The following SLC2A13 variants were observed in gnomAD, a reference collection of about 807,000 sequenced individuals.
SLC2A13 encodes the protein solute carrier family 2 member 13.
A neutral mutation model predicts 64.4 loss-of-function variants in SLC2A13; 32 were observed. The ratio of observed to expected loss-of-function variants is 0.50; its 90% confidence interval spans 0.37 to 0.67. The LOEUF (loss-of-function observed/expected upper bound fraction) is 0.67, where lower values mean the gene tolerates loss of function less well. SLC2A13 is among the 30% of genes least tolerant of loss of function. The pLI is 0.00. For synonymous variants in SLC2A13, 338 were observed against 327.1 expected, an observed-to-expected ratio of 1.03 and a Z score of -0.36; for missense variants, 743 against 829.2, an observed-to-expected ratio of 0.90 and a Z score of 1.28.
chr12:39,813,532 TAACAATATG>T (rs1239972092), intron 7 of SLC2A13, among the ~76,000 whole-genome samples: 3 of 152,168 alleles, frequency 2.0e-5, no homozygotes, highest in African/African-American at 7.2e-5. Context: ...AAAAAATATA[TAACAATATG>T]ATTACTGCAC....
At chr12:39,966,065 G>A (rs1351612145) in intron 3 of SLC2A13, among the ~76,000 whole-genome samples, 2 of 150,720 alleles carry the variant, frequency 1.3e-5, no homozygotes, top group Non-Finnish European at 3.0e-5. Context: ...ATATATATAT[G>A]ATACACACAC....
At chr12:39,919,759 A>G (rs1198587723) in intron 4 of SLC2A13, among the ~76,000 whole-genome samples, 1 of 152,086 alleles carries the variant, frequency 6.6e-6, no homozygotes, top group Non-Finnish European at 1.5e-5. Flanking sequence ...ATAGTTGTAT[A>G]TTAAAGAAGG....
chr12:39,905,822 G>GAAA (rs10682990), intron 4 of SLC2A13, among the ~76,000 whole-genome samples: 64,302 of 145,320 alleles, frequency 0.44, 14,439 homozygotes, highest in Non-Finnish European at 0.46. Context: ...AAAATGCCCA[G>GAAA]AAAAAAAAAA....
chr12:39,968,763 TA>T lies in SLC2A13; in HGVS notation c.926-17399del, dbSNP rs56265085. Among the ~76,000 whole-genome samples the T allele has an allele frequency of 7.7e-4, 84 of 108,836 alleles. 6 individuals are homozygous for T. Among genetic ancestry groups the T allele is most frequent in the Admixed American group, 9.9e-4 (11 of 11,156 alleles). The allele number at this position is 108,836 out of a possible 152,430, so 71.4% of individuals were successfully genotyped here. The stretch of plus-strand genomic sequence containing the variant: ...TTATTTTTGTTGTTTTTTTTTGGTA[TA>T]TATATATATATATATATATATATAT... On this transcript the variant is annotated intron_variant, in intron 3 of 9. Transcript: ENST00000280871.
At chr12:40,060,036 G>A (rs1161230601) in intron 1 of SLC2A13, among the ~76,000 whole-genome samples, 1 of 152,150 alleles carries the variant, frequency 6.6e-6, no homozygotes, top group East Asian at 1.9e-4. Flanking sequence ...GTCTATGGGA[G>A]TTGTAAGCCA....
chr12:39,894,335 A>G (rs1332098675), intron 4 of SLC2A13, among the ~76,000 whole-genome samples: 1 of 152,244 alleles, frequency 6.6e-6, no homozygotes, highest in Non-Finnish European at 1.5e-5. Flanking sequence ...TGATTAGTAG[A>G]ACATTTGTGA....
At chr12:39,941,317 T>G (rs1946021655) in intron 4 of SLC2A13, among the ~76,000 whole-genome samples, 1 of 152,206 alleles carries the variant, frequency 6.6e-6, no homozygotes, top group Non-Finnish European at 1.5e-5. Context: ...CAAATGGTAG[T>G]TCTACTTCTA....
intron 1 of SLC2A13, among the ~76,000 whole-genome samples, chr12:40,099,275 G>A (rs904798124): frequency 6.6e-6 from 1 of 152,132 alleles, no homozygotes; most frequent in African/African-American, 2.4e-5. Context: ...AAGAAGTGTT[G>A]CTACTATTTA....
At chr12:40,087,691 C>G (rs1009820799) in intron 1 of SLC2A13, among the ~76,000 whole-genome samples, 1 of 152,028 alleles carries the variant, frequency 6.6e-6, no homozygotes, top group Non-Finnish European at 1.5e-5. Context: ...CATAAGAGAC[C>G]AGAGTAAGCC....
At chr12:39,998,546 T>C (rs1174171130) in intron 3 of SLC2A13, among the ~76,000 whole-genome samples, 5 of 152,236 alleles carry the variant, frequency 3.3e-5, no homozygotes, top group Non-Finnish European at 7.3e-5. Flanking sequence ...TCACTGCATT[T>C]CAGACTTGTG....
At chr12:39,770,376 G>A (rs1266163740) in intron 7 of SLC2A13, among the ~76,000 whole-genome samples, 1 of 152,134 alleles carries the variant, frequency 6.6e-6, no homozygotes, top group Non-Finnish European at 1.5e-5. Flanking sequence ...CTCTCCAGAA[G>A]GCAGCATGGG....
intron 1 of SLC2A13, among the ~76,000 whole-genome samples, chr12:40,078,209 G>A (rs550055440): frequency 2.0e-5 from 3 of 152,202 alleles, no homozygotes; most frequent in Admixed American, 2.0e-4. Context: ...GGTGAGATTG[G>A]GCATCCTTGT....
intron 2 of SLC2A13, 135 bp from the exon 3 acceptor site, chr12:40,028,644 T>A (rs1406079513): frequency 2.6e-6 from 2 of 772,004 alleles, no homozygotes; most frequent in Non-Finnish European, 4.0e-6. Context: ...CATTTATGTG[T>A]GTGTCTGTCA....
intron 5 of SLC2A13, among the ~76,000 whole-genome samples, chr12:39,870,036 GT>G (rs1408007547): frequency 6.6e-6 from 1 of 152,132 alleles, no homozygotes; most frequent in African/African-American, 2.4e-5. Flanking sequence ...CTGGAGCTCT[GT>G]ATCAATAAGG....
chr12:39,976,370 AC>A (rs1313311700), intron 3 of SLC2A13, among the ~76,000 whole-genome samples: 1 of 152,242 alleles, frequency 6.6e-6, no homozygotes, highest in Non-Finnish European at 1.5e-5. Context: ...ACCAAAGTAG[AC>A]AATGATAAGT....
chr12:40,053,717 T>C (rs1037380048), intron 1 of SLC2A13, among the ~76,000 whole-genome samples: 3 of 152,148 alleles, frequency 2.0e-5, no homozygotes, highest in African/African-American at 7.2e-5. Flanking sequence ...ACTAGGCAAG[T>C]TTAAACCTTA....
chr12:39,844,158 C>T (rs1303781608), intron 6 of SLC2A13, among the ~76,000 whole-genome samples: 1 of 152,042 alleles, frequency 6.6e-6, no homozygotes, highest in African/African-American at 2.4e-5. Flanking sequence ...ACACATGCCT[C>T]CTTCCAATAT....
chr12:40,001,806 C>T (rs1947325584), intron 3 of SLC2A13, among the ~76,000 whole-genome samples: 1 of 152,146 alleles, frequency 6.6e-6, no homozygotes, highest in Admixed American at 6.5e-5. Context: ...TCTATTTCTT[C>T]AATAAATATG....
At chr12:39,933,316 T>C (rs1180062107) in intron 4 of SLC2A13, among the ~76,000 whole-genome samples, 2 of 152,200 alleles carry the variant, frequency 1.3e-5, no homozygotes, top group Admixed American at 1.3e-4. Flanking sequence ...CTGTGGAACA[T>C]GGCTTATGAA....
Sources: allele counts gnomAD v4.1 joint callset (sites outside exome capture counted in the v4.1 genomes callset), GRCh38; gene constraint gnomAD v4.1.1; transcripts MANE v1.5; gene names NCBI Gene and HGNC (gene_info 2026-07-23, HGNC 2026-07-21).